Variants in RXRG observed in about 807,000 individuals in gnomAD.
RXRG encodes retinoid X receptor gamma.
In RXRG, 19 loss-of-function variants were observed where a neutral mutation model predicts 49.2. That is an observed-to-expected ratio of 0.39 (90% confidence interval 0.27 to 0.57). The LOEUF is 0.57. RXRG is among the 20% of genes least tolerant of loss of function. The pLI, the probability that RXRG is intolerant of heterozygous loss-of-function variation, is 0.64. For synonymous variants in RXRG, 224 were observed against 216.6 expected, an observed-to-expected ratio of 1.03 and a Z score of -0.30; for missense variants, 452 against 592.5, an observed-to-expected ratio of 0.76 and a Z score of 2.46.
chr1:165,404,889 G>T (rs1322056668), intron 9 of RXRG, among the ~76,000 whole-genome samples: 2 of 152,046 alleles, frequency 1.3e-5, no homozygotes, highest in South Asian at 2.1e-4. Context: ...CTCCTGAGTA[G>T]CTGGGATTAT....
chr1:165,435,227 C>T (rs1172618380), intron 1 of RXRG, among the ~76,000 whole-genome samples: 1 of 152,166 alleles, frequency 6.6e-6, no homozygotes, highest in Non-Finnish European at 1.5e-5. Flanking sequence ...ACAAGCATTT[C>T]CAATAAGGGA....
intron 1 of RXRG, among the ~76,000 whole-genome samples, chr1:165,439,617 C>G (rs1658919566): frequency 6.6e-6 from 1 of 152,202 alleles, no homozygotes; most frequent in African/African-American, 2.4e-5. Flanking sequence ...TACATGCTCT[C>G]CACTCTCCAA....
chr1:165,412,789 T>C (rs182621778), intron 4 of RXRG, among the ~76,000 whole-genome samples: 16 of 152,348 alleles, frequency 1.1e-4, no homozygotes, highest in African/African-American at 3.1e-4. Context: ...GTCTCATCCT[T>C]ACTTTCTGCT....
At chr1:165,429,036 T>C (rs1022375119) in intron 1 of RXRG, 70 bp from the exon 2 acceptor site, 5 of 1,509,368 alleles carry the variant, frequency 3.3e-6, no homozygotes, top group African/African-American at 2.7e-5. Flanking sequence ...GACAGAGGCC[T>C]AGCCCCACCT....
intron 7 of RXRG, among the ~76,000 whole-genome samples, chr1:165,409,223 G>A (rs960807622): frequency 8.5e-5 from 13 of 152,186 alleles, no homozygotes; most frequent in Non-Finnish European, 1.6e-4. Flanking sequence ...ACTAGCTGAT[G>A]TCAAGATCTA....
Position 165,435,511 on chromosome 1 carries a change from G to A in RXRG, c.50-6545C>T, listed in dbSNP as rs548307883. 2.0e-3 allele frequency among the ~76,000 whole-genome samples: 311 copies of A among 152,300 alleles called. 6 individuals carry two copies. Among genetic ancestry groups the A allele is most frequent in the African/African-American group, 1.1e-3 (45 of 41,550 alleles). On this transcript the variant is annotated intron_variant, in intron 1 of 9. Transcript: ENST00000359842. ...CCGCTGTGCTGAACTCCTGCACTGC[G>A]CTTGCCACTTGCCAGGATGGAGGGG...
chr1:165,432,396 T>C (rs1189532363), intron 1 of RXRG, among the ~76,000 whole-genome samples: 2 of 152,236 alleles, frequency 1.3e-5, no homozygotes, highest in Non-Finnish European at 2.9e-5. Flanking sequence ...CAAATGCATT[T>C]TAGTTCTTTG....
chr1:165,416,176 C>G (rs1474728616), intron 4 of RXRG, among the ~76,000 whole-genome samples: 1 of 152,062 alleles, frequency 6.6e-6, no homozygotes, highest in Non-Finnish European at 1.5e-5. Context: ...GACTGAACTC[C>G]TTGTTCTTAT....
intron 9 of RXRG, among the ~76,000 whole-genome samples, chr1:165,405,585 C>T (rs1357768405): frequency 6.6e-6 from 1 of 152,234 alleles, no homozygotes; most frequent in Non-Finnish European, 1.5e-5. Context: ...TTCCCCCTTC[C>T]ATCATCTGGA....
chr1:165,411,993 A>T (rs150311469), intron 4 of RXRG, among the ~76,000 whole-genome samples: 34 of 152,306 alleles, frequency 2.2e-4, no homozygotes, highest in African/African-American at 7.9e-4. Flanking sequence ...ACATCCCCAA[A>T]GTCAAGAAAA....
rs1303604814 is a variant in RXRG at position 165,428,835 on chromosome 1, T to A, written c.181A>T (p.Thr61Ser). ...GGAGAGCCCAGGGCATTGAGGGGGG[T>A]CCCCACTGCACTCAGAGTCCGTGGG... ...SAPRTLSAVGTPLNALGSPYR... is the reference protein window; with the variant it reads ...SAPRTLSAVGSPLNALGSPYR... Residue 61 changes from threonine to serine, a missense_variant, in exon 2 of 10, where the codon ACC (threonine) becomes TCC (serine). By Grantham distance (58) the Thr-to-Ser change is moderately conservative. Around this residue, in one of 2 missense-constraint regions of RXRG, gnomAD observed 166 missense variants for 151.7 expected, o/e 1.09. Transcript: ENST00000359842. 4 of 1,613,566 alleles carry A rather than the reference T, an allele frequency of 2.5e-6. No homozygotes were observed. The highest frequency in any genetic ancestry group is 3.4e-6 in the Non-Finnish European group (4 of 1,179,876).
In RXRG at chr1:165,403,405, A is replaced by G. The variant is rs144894003; in HGVS notation, c.1245-1995T>C. On this transcript the variant is annotated intron_variant, in intron 9 of 9. Coordinates refer to ENST00000359842, the MANE Select transcript of RXRG (RefSeq NM_006917.5). ...ACATTATTTCATGAAAAAGTTACAA[A>G]TTAGAATTTCAATGTTCCTTGAAAA... 3.4e-3 allele frequency among the ~76,000 whole-genome samples: 513 copies of G among 152,366 alleles called. 1 individual carries two copies. The highest frequency in any genetic ancestry group is 0.011 in the African/African-American group (447 of 41,582).
chr1:165,408,237 G>A lies in RXRG; in HGVS notation c.1128C>T (p.Leu376=), dbSNP rs1175162914. 13 of 1,613,630 alleles carry A rather than the reference G, an allele frequency of 8.1e-6. No individual in the cohort carries two copies. Among genetic ancestry groups the A allele is most frequent in the African/African-American group, 1.3e-5 (1 of 74,884 alleles). The change falls in exon 8 of 10, where the codon CTC becomes CTT. Residue 376 remains leucine, a synonymous_variant. Transcript: ENST00000359842. The part of the protein sequence containing the change: ...SELGCLRAIV[L]FNPDAKGLSN... ...TTGAAGGGCGGTTACCTGGGTTAAA[G>A]AGTACAATGGCTCGCAGGCATCCCA...
Position 165,401,239 on chromosome 1 carries a change from T to G in RXRG, c.*24A>C, listed in dbSNP as rs1454708624. On this transcript the variant is annotated 3_prime_UTR_variant, in exon 10 of 10. Transcript: ENST00000359842. ...ACACCTGCCCAGGGGTCATCCTGGG[T>G]GGGGAGGCTGTGGCTGGTGGGGCTC... The G allele has an allele frequency of 6.2e-7, 1 of 1,610,626 alleles. No homozygotes were observed. Among genetic ancestry groups the G allele is most frequent in the African/African-American group, 1.3e-5 (1 of 74,162 alleles).
At chr1:165,436,506 C>A (rs1395062187) in intron 1 of RXRG, among the ~76,000 whole-genome samples, 1 of 152,158 alleles carries the variant, frequency 6.6e-6, no homozygotes, top group Non-Finnish European at 1.5e-5. Context: ...TTGGTATGTA[C>A]CTTTTTCTTA....
chr1:165,409,520 CAT>C (rs766737329), intron 7 of RXRG, 36 bp downstream of exon 7: 8 of 1,350,506 alleles, frequency 5.9e-6, no homozygotes, highest in Non-Finnish European at 7.7e-6. Flanking sequence ...CACACACACA[CAT>C]AATACACACA....
At chr1:165,414,316 C>G (rs1183284093) in intron 4 of RXRG, among the ~76,000 whole-genome samples, 1 of 152,124 alleles carries the variant, frequency 6.6e-6, no homozygotes, top group Non-Finnish European at 1.5e-5. Flanking sequence ...ATTAAAGTAC[C>G]CAAACCATAG....
intron 1 of RXRG, among the ~76,000 whole-genome samples, chr1:165,431,552 T>G (rs561965311): frequency 7.2e-5 from 11 of 152,340 alleles, no homozygotes; most frequent in African/African-American, 2.6e-4. Flanking sequence ...GACCAAGCTA[T>G]CTGAAGGAAA....
intron 9 of RXRG, among the ~76,000 whole-genome samples, chr1:165,403,134 G>A (rs1367830122): frequency 6.6e-6 from 1 of 152,242 alleles, no homozygotes; most frequent in Non-Finnish European, 1.5e-5. Context: ...ACCAGTGTGT[G>A]AAGGAATTCA....
Sources: allele counts gnomAD v4.1 joint callset (sites outside exome capture counted in the v4.1 genomes callset), GRCh38; gene constraint gnomAD v4.1.1; regional missense constraint gnomAD v4.1.1; transcripts MANE v1.5; gene names NCBI Gene and HGNC (gene_info 2026-07-23, HGNC 2026-07-21).